SHLD1: variants seen among roughly 807,000 people sequenced by gnomAD.
SHLD1 encodes the protein shieldin complex subunit 1.
SHLD1 carries 3 observed loss-of-function variants against 5.5 expected under a neutral mutation model. The ratio of observed to expected loss-of-function variants is 0.54; its 90% CI spans 0.25 to 1.40. SHLD1 has a LOEUF of 1.40. Among genes scored for constraint, SHLD1 ranks in the 40% most tolerant of loss-of-function variants. The pLI is 0.15. For synonymous variants in SHLD1, 92 were observed against 94.3 expected, an observed-to-expected ratio of 0.98 and a Z score of 0.14; for missense variants, 210 against 244.4, an observed-to-expected ratio of 0.86 and a Z score of 0.94.
chr20:5,808,800 A>G lies in SHLD1; in HGVS notation c.178+35757A>G, dbSNP rs1015147289. Reference sequence around the variant, plus strand: ...GTGATTTAGTGGATTTAAGCAGAAAATATTTTAATGAAATTTAATGGCTAA... The same window carrying G: ...GTGATTTAGTGGATTTAAGCAGAAAGTATTTTAATGAAATTTAATGGCTAA... On this transcript the variant is annotated intron_variant, in intron 2 of 2. Transcript: ENST00000303142. 2.0e-5 allele frequency among the ~76,000 whole-genome samples: 3 copies of G among 152,258 alleles called. No homozygotes were observed. The South Asian group carries it at 6.2e-4, about 31-fold the overall frequency.
At chr20:5,827,343 C>A (rs1462739101) in intron 2 of SHLD1, among the ~76,000 whole-genome samples, 5 of 152,200 alleles carry the variant, frequency 3.3e-5, no homozygotes, top group Non-Finnish European at 5.9e-5. Flanking sequence ...GGCTCCCAAC[C>A]CGAAGCTGGA....
At chr20:5,852,445 T>C (rs867736902) in intron 2 of SHLD1, among the ~76,000 whole-genome samples, 1 of 142,216 alleles carries the variant, frequency 7.0e-6, no homozygotes, top group Admixed American at 6.8e-5. Context: ...TCCTTCCTTC[T>C]CTCTCTCTCT....
At chr20:5,816,758 A>T (rs1277531585) in intron 2 of SHLD1, among the ~76,000 whole-genome samples, 3 of 152,174 alleles carry the variant, frequency 2.0e-5, no homozygotes, top group Non-Finnish European at 2.9e-5. Flanking sequence ...TTTGTCATAC[A>T]TTATGTTTTC....
At chr20:5,842,529 G>T (rs2087877420) in intron 2 of SHLD1, among the ~76,000 whole-genome samples, 1 of 152,158 alleles carries the variant, frequency 6.6e-6, no homozygotes, top group Non-Finnish European at 1.5e-5. Context: ...TTGAGGATTT[G>T]TGCTTTATCA....
chr20:5,837,623 T>G (rs1378950627), intron 2 of SHLD1, among the ~76,000 whole-genome samples: 1 of 152,232 alleles, frequency 6.6e-6, no homozygotes, highest in Non-Finnish European at 1.5e-5. Context: ...GTTCTATCCA[T>G]GTCCCTGCAA....
At chr20:5,802,893 C>G (rs973243573) in intron 2 of SHLD1, among the ~76,000 whole-genome samples, 3 of 152,142 alleles carry the variant, frequency 2.0e-5, no homozygotes, top group African/African-American at 7.2e-5. Context: ...CTTGAGCTTT[C>G]TTTTAATGAT....
intron 2 of SHLD1, among the ~76,000 whole-genome samples, chr20:5,859,644 C>T (rs1415029321): frequency 2.6e-5 from 4 of 152,216 alleles, no homozygotes; most frequent in Non-Finnish European, 1.5e-5. Flanking sequence ...AAAGCTACAA[C>T]AGCCTTATGA....
chr20:5,816,908 A>C (rs2087537302), intron 2 of SHLD1, among the ~76,000 whole-genome samples: 1 of 152,086 alleles, frequency 6.6e-6, no homozygotes, highest in African/African-American at 2.4e-5. Flanking sequence ...TCTCTACAAA[A>C]AATACCAATA....
chr20:5,838,422 G>A lies in SHLD1; in HGVS notation c.179-24602G>A, dbSNP rs375454965. Reference sequence around the variant, plus strand: ...GTCTCATCTGACTTTTAAAAGCTATGAGTATATATTATGTAGATAAAAATA... The same window carrying A: ...GTCTCATCTGACTTTTAAAAGCTATAAGTATATATTATGTAGATAAAAATA... On this transcript the variant is annotated intron_variant, in intron 2 of 2. Transcript: ENST00000303142. Among the ~76,000 whole-genome samples, 14 of 152,310 alleles carry A rather than the reference G, an allele frequency of 9.2e-5. No individual in the cohort carries two copies. In the East Asian group the frequency reaches 2.7e-3, roughly 29 times the overall value.
intron 2 of SHLD1, among the ~76,000 whole-genome samples, chr20:5,822,481 T>C (rs1005087116): frequency 1.3e-5 from 2 of 151,724 alleles, no homozygotes; most frequent in African/African-American, 4.8e-5. Context: ...TAATTAAAAA[T>C]AAATAAATGA....
intron 2 of SHLD1, among the ~76,000 whole-genome samples, chr20:5,779,976 T>A (rs1366902166): frequency 7.2e-6 from 1 of 137,972 alleles, no homozygotes; most frequent in Non-Finnish European, 1.6e-5. Flanking sequence ...ATTTCTGTTT[T>A]TTTTTTTTTT....
At chr20:5,828,134 T>TC (rs1434638924) in intron 2 of SHLD1, among the ~76,000 whole-genome samples, 8 of 152,136 alleles carry the variant, frequency 5.3e-5, no homozygotes, top group Non-Finnish European at 1.0e-4. Context: ...CTAACTTGCC[T>TC]CCCCCCAACA....
At chr20:5,766,707 G>T (rs1408835816) in intron 1 of SHLD1, among the ~76,000 whole-genome samples, 1 of 151,994 alleles carries the variant, frequency 6.6e-6, no homozygotes, top group Non-Finnish European at 1.5e-5. Context: ...CAATAAATGG[G>T]AACTACTCTT....
At chr20:5,750,206 C>T (rs997847923), upstream of SHLD1, among the ~76,000 whole-genome samples, 7 of 151,988 alleles carry the variant, frequency 4.6e-5, no homozygotes, top group Non-Finnish European at 1.0e-4. Context: ...TTACCAAGCA[C>T]ATTTATCGAC....
intron 2 of SHLD1, among the ~76,000 whole-genome samples, chr20:5,802,105 C>T (rs2087302456): frequency 6.6e-6 from 1 of 152,120 alleles, no homozygotes. Context: ...AAGTTAGAGT[C>T]CTGTGAGGGC....
chr20:5,841,401 G>A (rs761254997), intron 2 of SHLD1, among the ~76,000 whole-genome samples: 1 of 152,070 alleles, frequency 6.6e-6, no homozygotes, highest in Non-Finnish European at 1.5e-5. Context: ...TGTTTTGGGG[G>A]CCCCATTAGG....
At chr20:5,800,083 A>AG (rs1157621437) in intron 2 of SHLD1, among the ~76,000 whole-genome samples, 1 of 152,206 alleles carries the variant, frequency 6.6e-6, no homozygotes, top group Non-Finnish European at 1.5e-5. Context: ...GCAACTGGGT[A>AG]GGGGGCAGTG....
In SHLD1 at chr20:5,863,319, C is replaced by G; in HGVS notation, c.474C>G (p.Ser158=). 6.2e-7 allele frequency: 1 copy of G among 1,614,204 alleles called. No homozygotes were observed. Among genetic ancestry groups the G allele is most frequent in the African/African-American group, 1.3e-5 (1 of 75,062 alleles). The change falls in exon 3 of 3, where the codon TCC becomes TCG. Residue 158 remains serine, a synonymous_variant. Coordinates refer to ENST00000303142, the MANE Select transcript of SHLD1 (RefSeq NM_152504.4). The part of the protein sequence containing the change: ...ARVIFNRDGC[S]VLQRHSRDTH... Reference sequence around the variant, plus strand: ...TGATCTTCAACCGGGACGGCTGCTCCGTCTTACAGAGGCATTCCAGGGACA... The same window carrying G: ...TGATCTTCAACCGGGACGGCTGCTCGGTCTTACAGAGGCATTCCAGGGACA...
At chr20:5,825,483 G>T (rs1253335950) in intron 2 of SHLD1, among the ~76,000 whole-genome samples, 1 of 152,206 alleles carries the variant, frequency 6.6e-6, no homozygotes, top group Non-Finnish European at 1.5e-5. Flanking sequence ...GTCTTTTTCC[G>T]TAAAGAGAGG....
Sources: allele counts gnomAD v4.1 joint callset (sites outside exome capture counted in the v4.1 genomes callset), GRCh38; gene constraint gnomAD v4.1.1; transcripts MANE v1.5; gene names NCBI Gene and HGNC (gene_info 2026-07-23, HGNC 2026-07-21).